ARHGAP17: variants seen among roughly 807,000 people sequenced by gnomAD.
The protein encoded by ARHGAP17 is rho GTPase-activating protein 17.
In ARHGAP17, 57 loss-of-function variants were observed where a neutral mutation model predicts 99.5. The ratio of observed to expected loss-of-function variants is 0.57; its 90% CI spans 0.46 to 0.71. ARHGAP17 has a LOEUF of 0.71. ARHGAP17 is among the 30% of genes least tolerant of loss of function. ARHGAP17 has a pLI of 0.00. For missense variants in ARHGAP17, 1,000 were observed against 1,122.4 expected (o/e 0.89, Z 1.56); for synonymous variants, 417 against 429.6 (o/e 0.97, Z 0.36).
intron 18 of ARHGAP17, among the ~76,000 whole-genome samples, chr16:24,932,461 G>A (rs547740714): frequency 2.0e-5 from 3 of 152,110 alleles, no homozygotes; most frequent in East Asian, 1.9e-4. Context: ...ATGGGAAGAC[G>A]CAGAAAGAGG....
intron 1 of ARHGAP17, among the ~76,000 whole-genome samples, chr16:24,983,037 T>C (rs13337487): frequency 0.27 from 28,914 of 107,236 alleles, 5,491 homozygotes; most frequent in East Asian, 0.49. Flanking sequence ...CAGGGTCTCG[T>C]TCTGTCACCC....
chr16:24,966,888 C>CAAGT (rs1298076084), intron 6 of ARHGAP17, among the ~76,000 whole-genome samples: 4 of 152,152 alleles, frequency 2.6e-5, no homozygotes, highest in Non-Finnish European at 5.9e-5. Flanking sequence ...CAGGTCCCTC[C>CAAGT]CTTATCTGTA....
chr16:24,937,224 C>T (rs1051302484), intron 17 of ARHGAP17, among the ~76,000 whole-genome samples: 1 of 151,756 alleles, frequency 6.6e-6, no homozygotes, highest in Non-Finnish European at 1.5e-5. Context: ...GACATCGCGA[C>T]CAGCCTGGCA....
chr16:24,954,821 C>A lies in ARHGAP17; in HGVS notation c.725-91G>T, dbSNP rs2051758654. 27 of 1,539,688 alleles carry A rather than the reference C, an allele frequency of 1.8e-5. No homozygotes were observed. The South Asian group carries it at 2.9e-4, about 17-fold the overall frequency. On this transcript the variant is annotated intron_variant, in intron 9 of 19. Transcript: ENST00000289968. ...CCAACTACCCAATGGGCTTTTCTAG[C>A]CGACTGGTAGGTGAGGCTGTGCAAG...
At chr16:24,920,284 T>C (rs778001547) in intron 19 of ARHGAP17, 24 bp from the exon 20 acceptor site, 2 of 1,612,698 alleles carry the variant, frequency 1.2e-6, no homozygotes, top group South Asian at 1.1e-5. Context: ...CGAGGAGACA[T>C]GGTATCAATG....
intron 3 of ARHGAP17, among the ~76,000 whole-genome samples, chr16:24,973,760 T>C (rs1274480696): frequency 6.6e-6 from 1 of 152,252 alleles, no homozygotes; most frequent in Non-Finnish European, 1.5e-5. Flanking sequence ...CATGAGACCA[T>C]GAAAACTTAC....
At chr16:24,972,411 G>GAAAATT (rs2052393438) in intron 3 of ARHGAP17, among the ~76,000 whole-genome samples, 1 of 152,066 alleles carries the variant, frequency 6.6e-6, no homozygotes, top group Non-Finnish European at 1.5e-5. Flanking sequence ...TAGAGACAAG[G>GAAAATT]TCTCACTATG....
intron 12 of ARHGAP17, among the ~76,000 whole-genome samples, chr16:24,949,819 C>T (rs1490254895): frequency 1.3e-5 from 2 of 152,156 alleles, no homozygotes; most frequent in African/African-American, 2.4e-5. Context: ...TGTGTACTGA[C>T]GTATGGCTTT....
At chr16:24,960,040 G>A in intron 7 of ARHGAP17, 61 bp from the exon 8 acceptor site, 4 of 1,501,186 alleles carry the variant, frequency 2.7e-6, no homozygotes, top group East Asian at 2.3e-5. Flanking sequence ...AATGGCATCT[G>A]AGAACAATCT....
intron 1 of ARHGAP17, among the ~76,000 whole-genome samples, chr16:25,012,279 C>T (rs2053662317): frequency 6.6e-6 from 1 of 152,276 alleles, no homozygotes; most frequent in Middle Eastern, 3.4e-3. Flanking sequence ...ACTTACCCAC[C>T]CATCGTAAAC....
Position 24,968,560 on chromosome 16 carries a change from G to A in ARHGAP17, c.384+101C>T, listed in dbSNP as rs892983013. The A allele has an allele frequency of 2.0e-6, 3 of 1,505,780 alleles. No individual in the cohort carries two copies. In the African/African-American group the frequency reaches 4.1e-5, roughly 21 times the overall value. The allele number at this position is 1,505,780 out of a possible 1,614,324, so 93.3% of individuals were successfully genotyped here. A position where few individuals can be genotyped will look rare whatever the true frequency, so the allele number is the denominator to read the frequency against. ...AATTGACTCCCCTTATTTCCAAAAA[G>A]AAGTGTATGTTAAAGCCAGCAACTA... On this transcript the variant is annotated intron_variant, in intron 5 of 19. Transcript: ENST00000289968.
chr16:24,987,652 C>A (rs1567255415), intron 1 of ARHGAP17, among the ~76,000 whole-genome samples: 1 of 151,982 alleles, frequency 6.6e-6, no homozygotes, highest in Non-Finnish European at 1.5e-5. Flanking sequence ...GTGGCCGAGG[C>A]GCCAACACTA....
chr16:24,965,667 A>G (rs1017588740), intron 6 of ARHGAP17, among the ~76,000 whole-genome samples: 1 of 152,234 alleles, frequency 6.6e-6, no homozygotes, highest in African/African-American at 2.4e-5. Context: ...CATAGATTTC[A>G]GAGTCTGACA....
Position 24,942,104 on chromosome 16 carries a change from G to GT in ARHGAP17, c.1372dup (p.Thr458AsnfsTer6). On this transcript the variant is annotated frameshift_variant, in exon 16 of 20. Transcript: ENST00000289968. LOFTEE classifies it high-confidence loss of function. ...GAATGAGTGATTAGAACTCGGGGTG[G>GT]TGAGAGGTACAAATGCTTCTGATAC... 6.2e-7 allele frequency: 1 copy of GT among 1,614,112 alleles called. No homozygotes were observed. The highest frequency in any genetic ancestry group is 8.5e-7 in the Non-Finnish European group (1 of 1,179,992).
At chr16:24,995,775 TA>T (rs899447276) in intron 1 of ARHGAP17, among the ~76,000 whole-genome samples, 13 of 147,340 alleles carry the variant, frequency 8.8e-5, no homozygotes, top group Non-Finnish European at 9.0e-5. Flanking sequence ...GCAGCAAATG[TA>T]AAAAAAAAAA....
chr16:24,944,188 T>G (rs958094947), intron 14 of ARHGAP17, among the ~76,000 whole-genome samples: 1 of 151,736 alleles, frequency 6.6e-6, no homozygotes, highest in African/African-American at 2.4e-5. Context: ...GGAGAATCGC[T>G]TGAACCCGGA....
rs767964861 is a variant in ARHGAP17, at chr16:24,939,372, G to A, written c.1716C>T (p.Gly572=). 1.7e-5 allele frequency: 27 copies of A among 1,603,382 alleles called. No homozygotes were observed. Among genetic ancestry groups the A allele is most frequent in the Middle Eastern group, 2.2e-4 (1 of 4,448 alleles). ...AGILEQGPSP[G]DGSPPKPKDP... is the part of the protein sequence containing the mutation. ...GAAGTCAGCCTCCTTACCTGCCGTC[G>A]CCTGGGCTCGGCCCCTGCTCCAGTA... Residue 572 remains glycine, a synonymous_variant, in exon 17 of 20, where the codon GGC becomes GGT. Coordinates refer to ENST00000289968, the MANE Select transcript of ARHGAP17 (RefSeq NM_001006634.3).
chr16:24,964,157 CA>C (rs767831234), intron 7 of ARHGAP17, 39 bp downstream of exon 7: 8 of 1,410,424 alleles, frequency 5.7e-6, no homozygotes, highest in South Asian at 1.4e-5. Flanking sequence ...CCCTCATTTG[CA>C]AAAACCGAAA....
At chr16:24,997,133 G>A (rs895416385) in intron 1 of ARHGAP17, among the ~76,000 whole-genome samples, 1 of 152,124 alleles carries the variant, frequency 6.6e-6, no homozygotes, top group Admixed American at 6.5e-5. Flanking sequence ...TTAGCACTTG[G>A]ACTGGTGCAA....
Sources: gnomAD v4.1 joint callset for allele counts (sites outside exome capture counted in the v4.1 genomes callset) on GRCh38, gnomAD v4.1.1 for gene constraint, MANE v1.5 for transcripts, NCBI Gene and HGNC (gene_info 2026-07-23, HGNC 2026-07-21) for gene names.